The following SH3D19 variants were observed in gnomAD, a reference collection of about 807,000 sequenced individuals.
SH3D19 encodes the protein SH3 domain containing 19, also known as SH3 domain-containing protein 19.
A neutral mutation model predicts 112.1 loss-of-function variants in SH3D19; 58 were observed. The ratio of observed to expected loss-of-function variants is 0.52; its 90% CI spans 0.42 to 0.64. SH3D19 has a LOEUF of 0.64. Among genes scored for constraint, SH3D19 ranks in the 30% least tolerant of loss-of-function variants. The pLI, the probability that SH3D19 is intolerant of heterozygous loss-of-function variation, is 0.00. For missense variants in SH3D19, 1,090 were observed against 1,263.4 expected (o/e 0.86, Z 2.08); for synonymous variants, 391 against 448.5 (o/e 0.87, Z 1.62).
intron 2 of SH3D19, among the ~76,000 whole-genome samples, chr4:151,190,905 T>A (rs1280555376): frequency 1.3e-5 from 2 of 152,098 alleles, no homozygotes; most frequent in African/African-American, 4.8e-5. Context: ...ACTGTGCTCC[T>A]GGAAAAGCCG....
At chr4:151,214,068 T>C (rs1766466512) in intron 2 of SH3D19, among the ~76,000 whole-genome samples, 1 of 147,976 alleles carries the variant, frequency 6.8e-6, no homozygotes, top group Admixed American at 6.8e-5. Flanking sequence ...TGATGATGAC[T>C]CTTAACGAGC....
chr4:151,293,119 C>CAAAAT (rs1351702567), intron 1 of SH3D19, among the ~76,000 whole-genome samples: 15 of 151,028 alleles, frequency 9.9e-5, no homozygotes, highest in East Asian at 3.9e-4. Context: ...GACTCTGTCT[C>CAAAAT]AAAATAAAAT....
intron 2 of SH3D19, among the ~76,000 whole-genome samples, chr4:151,216,480 T>A (rs2149923254): frequency 6.6e-6 from 1 of 152,298 alleles, no homozygotes; most frequent in Admixed American, 6.5e-5. Context: ...TGTAGAACTG[T>A]ATAAACAACT....
At chr4:151,201,291 A>G (rs914080123) in intron 2 of SH3D19, among the ~76,000 whole-genome samples, 3 of 152,218 alleles carry the variant, frequency 2.0e-5, no homozygotes, top group African/African-American at 7.2e-5. Flanking sequence ...GAATAACAAA[A>G]ATGAATTACA....
intron 19 of SH3D19, among the ~76,000 whole-genome samples, chr4:151,123,259 C>A (rs1447550057): frequency 6.6e-6 from 1 of 152,216 alleles, no homozygotes; most frequent in Non-Finnish European, 1.5e-5. Flanking sequence ...AACCAGGATT[C>A]AAATCTAGTG....
intron 1 of SH3D19, among the ~76,000 whole-genome samples, chr4:151,227,091 A>G (rs566833383): frequency 2.6e-5 from 4 of 152,234 alleles, no homozygotes; most frequent in Admixed American, 6.5e-5. Flanking sequence ...TATTATCAAA[A>G]TACAGTTTTC....
At chr4:151,314,055 T>G (rs944674990) in intron 1 of SH3D19, among the ~76,000 whole-genome samples, 1 of 152,222 alleles carries the variant, frequency 6.6e-6, no homozygotes, top group Non-Finnish European at 1.5e-5. Flanking sequence ...AGTATAATGA[T>G]TCCTTGATTA....
chr4:151,280,908 G>A (rs1486838554), intron 1 of SH3D19, among the ~76,000 whole-genome samples: 1 of 152,100 alleles, frequency 6.6e-6, no homozygotes, highest in Non-Finnish European at 1.5e-5. Flanking sequence ...TCAATCAAAT[G>A]TGGGATAGAA....
rs376629809 is a variant in SH3D19 at position 151,148,053 on chromosome 4, T to C, written c.1951A>G (p.Met651Val). 1.6e-5 allele frequency: 26 copies of C among 1,614,050 alleles called. No individual in the cohort carries two copies. The highest frequency in any genetic ancestry group is 1.6e-4 in the Middle Eastern group (1 of 6,084). The change falls in exon 11 of 20, where the codon ATG becomes GTG. Residue 651 changes from methionine (M) to valine (V), a missense_variant. Coordinates refer to ENST00000604030, the MANE Select transcript of SH3D19 (RefSeq NM_001378122.1). The part of the protein sequence containing the change: ...KLPFNRSSSD[M>V]DLQKKQSNLA... ...TTACTTTGTTTTTTCTGAAGATCCA[T>C]GTCAGAAGAGGATCGATTAAAAGGC...
At chr4:151,178,374 C>T (rs1285473899) in intron 4 of SH3D19, among the ~76,000 whole-genome samples, 2 of 152,216 alleles carry the variant, frequency 1.3e-5, no homozygotes, top group Non-Finnish European at 2.9e-5. Flanking sequence ...CAAAAAAGCA[C>T]TGTCATTCTC....
intron 8 of SH3D19, among the ~76,000 whole-genome samples, chr4:151,163,586 CTT>C (rs200482400): frequency 1.4e-5 from 2 of 145,040 alleles, no homozygotes; most frequent in South Asian, 2.2e-4. Context: ...TTCTTTCTTT[CTT>C]TTTTTTTTTT....
At chr4:151,134,971 G>T in intron 15 of SH3D19, 103 bp downstream of exon 15, 1 of 922,632 alleles carries the variant, frequency 1.1e-6, no homozygotes, top group Non-Finnish European at 1.7e-6. Flanking sequence ...ACAGGTCTGA[G>T]CCACCATGCC....
intron 1 of SH3D19, among the ~76,000 whole-genome samples, chr4:151,256,076 ACTGT>A (rs1280763370): frequency 2.0e-5 from 3 of 147,368 alleles, no homozygotes; most frequent in Non-Finnish European, 3.0e-5. Flanking sequence ...AAGATTTTAA[ACTGT>A]CTTTCTCCCT....
chr4:151,140,551 T>A (rs1291299618), intron 12 of SH3D19: 1 of 152,260 alleles, frequency 6.6e-6, no homozygotes, highest in Non-Finnish European at 1.5e-5. Flanking sequence ...AAGGCAAAGC[T>A]GAAGAGCGAC....
chr4:151,245,703 G>C (rs997980358), intron 1 of SH3D19, among the ~76,000 whole-genome samples: 1 of 152,226 alleles, frequency 6.6e-6, no homozygotes, highest in African/African-American at 2.4e-5. Flanking sequence ...CCAGGTTCAA[G>C]TGATTCTCCT....
chr4:151,167,858 G>C (rs369773886), intron 7 of SH3D19, among the ~76,000 whole-genome samples: 1 of 150,824 alleles, frequency 6.6e-6, no homozygotes, highest in Non-Finnish European at 1.5e-5. Flanking sequence ...CCACCGTCTG[G>C]GAAGTGAGGA....
Position 151,176,702 on chromosome 4 carries a change from A to C in SH3D19, c.376-15T>G. The C allele has an allele frequency of 6.5e-6, 8 of 1,231,982 alleles. No homozygotes were observed. The highest frequency in any genetic ancestry group is 8.1e-6 in the Non-Finnish European group (8 of 987,774). The allele number at this position is 1,231,982 out of a possible 1,614,324, so 76.3% of individuals were successfully genotyped here. ...GATGGTGGGAGCTGAAAAGTAAAGA[A>C]TGAAGATTTTAGACATCTAAGGGCA... On this transcript the variant is annotated splice_polypyrimidine_tract_variant and intron_variant, in intron 5 of 19. Coordinates refer to ENST00000604030, the MANE Select transcript of SH3D19 (RefSeq NM_001378122.1).
intron 1 of SH3D19, chr4:151,280,100 G>C: frequency 1.0e-6 from 1 of 963,510 alleles, no homozygotes; most frequent in Non-Finnish European, 1.6e-6. Context: ...TATCAAACCC[G>C]AAACAACTAG....
chr4:151,277,154 T>C lies in SH3D19; in HGVS notation c.112+48087A>G. 4.2e-6 allele frequency: 6 copies of C among 1,417,962 alleles called. No individual in the cohort carries two copies. In the South Asian group the frequency reaches 6.7e-5, roughly 16 times the overall value. 87.8% of individuals were successfully genotyped at this position (1,417,962 alleles called of 1,614,324 possible). ...AGTCCAGGAAGCAGGAAGCGCTCAC[T>C]GGCTCTGAGGACAGAGACATGGGCC... On this transcript the variant is annotated intron_variant, in intron 1 of 19. Transcript: ENST00000604030.
Sources: gnomAD v4.1 joint callset for allele counts (sites outside exome capture counted in the v4.1 genomes callset) on GRCh38, gnomAD v4.1.1 for gene constraint, MANE v1.5 for transcripts, NCBI Gene and HGNC (gene_info 2026-07-23, HGNC 2026-07-21) for gene names.